Variants in DPP10 observed in about 807,000 individuals in gnomAD.
The protein encoded by DPP10 is dipeptidyl peptidase like 10, also known as inactive dipeptidyl peptidase 10.
Under a neutral mutation model 120.9 loss-of-function variants are expected in DPP10, and 33 were observed. That is an observed-to-expected ratio of 0.27 (90% CI 0.21 to 0.37). The LOEUF is 0.37. Ranked by LOEUF, DPP10 falls within the 10% of genes least tolerant of loss-of-function variation. The pLI is 1.00. For synonymous variants in DPP10, 337 were observed against 326.1 expected (o/e 1.03, Z -0.36); for missense variants, 816 against 942.8 (o/e 0.87, Z 1.76).
At chr2:115,158,355 A>G (rs2052058797) in intron 1 of DPP10, among the ~76,000 whole-genome samples, 1 of 152,220 alleles carries the variant, frequency 6.6e-6, no homozygotes, top group African/African-American at 2.4e-5. Flanking sequence ...CTGTTTTTAA[A>G]GGGTAAAACA....
At chr2:115,733,945 T>C (rs752648200) in intron 8 of DPP10, among the ~76,000 whole-genome samples, 4 of 152,206 alleles carry the variant, frequency 2.6e-5, no homozygotes, top group South Asian at 2.1e-4. Flanking sequence ...ATAATTAACA[T>C]TGGAAGTTTC....
chr2:115,364,601 C>T (rs1355749729), intron 3 of DPP10, among the ~76,000 whole-genome samples: 1 of 151,224 alleles, frequency 6.6e-6, no homozygotes, highest in East Asian at 1.9e-4. Flanking sequence ...CTTCTGTATA[C>T]TCAACCATGA....
At chr2:115,705,960 T>C (rs1016121459) in intron 7 of DPP10, among the ~76,000 whole-genome samples, 4 of 151,716 alleles carry the variant, frequency 2.6e-5, no homozygotes, top group African/African-American at 7.3e-5. Flanking sequence ...TAATAAACTG[T>C]AAGGGGATAA....
intron 1 of DPP10, among the ~76,000 whole-genome samples, chr2:114,847,053 C>G (rs1688597831): frequency 6.6e-6 from 1 of 151,932 alleles, no homozygotes; most frequent in Non-Finnish European, 1.5e-5. Context: ...GGCAGTGGTG[C>G]TATCATATCA....
At chr2:115,022,066 C>T (rs565662760) in intron 1 of DPP10, among the ~76,000 whole-genome samples, 58 of 152,080 alleles carry the variant, frequency 3.8e-4, no homozygotes, top group South Asian at 2.3e-3. Flanking sequence ...TTATACTGAA[C>T]GGGGAAAAGT....
At chr2:114,989,565 A>G (rs1212343891) in intron 1 of DPP10, among the ~76,000 whole-genome samples, 1 of 152,244 alleles carries the variant, frequency 6.6e-6, no homozygotes, top group Non-Finnish European at 1.5e-5. Flanking sequence ...AATTTTGAGC[A>G]AATGGGTTAC....
At chr2:115,062,142 G>C (rs1706463015) in intron 1 of DPP10, among the ~76,000 whole-genome samples, 1 of 148,650 alleles carries the variant, frequency 6.7e-6, no homozygotes, top group South Asian at 2.1e-4. Context: ...GTGTGTGTGT[G>C]TGTGTGTGTG....
At chr2:115,442,820 C>A (rs968588692) in intron 3 of DPP10, among the ~76,000 whole-genome samples, 1 of 152,124 alleles carries the variant, frequency 6.6e-6, no homozygotes, top group Non-Finnish European at 1.5e-5. Context: ...GGGGCCTTAA[C>A]ACTTGCCGGA....
chr2:115,078,008 C>G (rs76920204), intron 1 of DPP10, among the ~76,000 whole-genome samples: 7 of 152,318 alleles, frequency 4.6e-5, no homozygotes, highest in African/African-American at 1.7e-4. Context: ...ACAAAAATCA[C>G]TTCAGTCTTT....
At chr2:114,476,549 C>T (rs1363331493) in intron 1 of DPP10, among the ~76,000 whole-genome samples, 14 of 152,232 alleles carry the variant, frequency 9.2e-5, no homozygotes, top group Non-Finnish European at 1.8e-4. Flanking sequence ...TTTTGAGAAA[C>T]AATGAATTTC....
At chr2:114,581,882 C>A (rs1234615415) in intron 1 of DPP10, among the ~76,000 whole-genome samples, 1 of 152,130 alleles carries the variant, frequency 6.6e-6, no homozygotes, top group Non-Finnish European at 1.5e-5. Context: ...ACATCCTTTC[C>A]CAGTTTTCCT....
intron 5 of DPP10, among the ~76,000 whole-genome samples, chr2:115,621,685 GT>G (rs2084957906): frequency 6.6e-6 from 1 of 152,020 alleles, no homozygotes; most frequent in African/African-American, 2.4e-5. Context: ...TGGTTTGTTT[GT>G]TTGTTTGTTT....
chr2:114,598,971 G>T (rs900622660), intron 1 of DPP10, among the ~76,000 whole-genome samples: 2 of 151,744 alleles, frequency 1.3e-5, no homozygotes, highest in East Asian at 1.9e-4. Flanking sequence ...GAAGCCAATG[G>T]GTCATTATGT....
intron 1 of DPP10, among the ~76,000 whole-genome samples, chr2:114,598,876 T>C (rs1402018321): frequency 6.6e-6 from 1 of 151,860 alleles, no homozygotes; most frequent in Non-Finnish European, 1.5e-5. Flanking sequence ...GGGGCAGATA[T>C]ACATTCAAAT....
intron 7 of DPP10, among the ~76,000 whole-genome samples, chr2:115,702,065 A>G (rs1456867236): frequency 2.6e-5 from 4 of 152,096 alleles, no homozygotes; most frequent in Non-Finnish European, 1.5e-5. Context: ...TAGTGAGAAT[A>G]CCATTTACTA....
intron 1 of DPP10, among the ~76,000 whole-genome samples, chr2:114,709,533 T>C (rs1700892400): frequency 6.6e-6 from 1 of 152,232 alleles, no homozygotes; most frequent in Non-Finnish European, 1.5e-5. Flanking sequence ...ATCATTCAAA[T>C]TTTATATTTT....
chr2:114,804,013 T>A (rs542233168), intron 1 of DPP10, among the ~76,000 whole-genome samples: 1 of 152,068 alleles, frequency 6.6e-6, no homozygotes, highest in African/African-American at 2.4e-5. Context: ...ATGGGCCGGG[T>A]CCAGGGTCCC....
At chr2:115,665,882 T>C (rs958167159) in intron 5 of DPP10, among the ~76,000 whole-genome samples, 51 of 152,342 alleles carry the variant, frequency 3.3e-4, no homozygotes, top group Admixed American at 9.8e-4. Context: ...TTTCTTTTTT[T>C]TAATTTCTTT....
At chr2:115,196,553 C>G (rs1052144491) in intron 1 of DPP10, among the ~76,000 whole-genome samples, 1 of 152,100 alleles carries the variant, frequency 6.6e-6, no homozygotes, top group Non-Finnish European at 1.5e-5. Flanking sequence ...TTTCTAATTG[C>G]ACTGACCCAT....
Sources: gnomAD v4.1 joint callset for allele counts (sites outside exome capture counted in the v4.1 genomes callset) on GRCh38, gnomAD v4.1.1 for gene constraint, MANE v1.5 for transcripts, NCBI Gene and HGNC (gene_info 2026-07-23, HGNC 2026-07-21) for gene names.